Variants in RELN observed in about 807,000 individuals in gnomAD.
The protein encoded by RELN is reelin.
A neutral mutation model predicts 427.6 loss-of-function variants in RELN; 108 were observed. The observed-to-expected ratio is 0.25, with a 90% CI of 0.22 to 0.30. The LOEUF is 0.30. Among genes scored for constraint, RELN ranks in the 10% least tolerant of loss-of-function variants. RELN has a pLI of 1.00. For synonymous variants in RELN, 1,524 were observed against 1,513.4 expected, an observed-to-expected ratio of 1.01 and a Z score of -0.16; for missense variants, 3,715 against 4,302.8, an observed-to-expected ratio of 0.86 and a Z score of 3.82.
At chr7:103,507,643 A>G (rs1317997670) in intron 51 of RELN, among the ~76,000 whole-genome samples, 1 of 152,214 alleles carries the variant, frequency 6.6e-6, no homozygotes, top group Non-Finnish European at 1.5e-5. Context: ...AGGAGCAAAC[A>G]CATTCAAAAG....
intron 2 of RELN, among the ~76,000 whole-genome samples, chr7:103,855,942 G>A (rs1192982806): frequency 6.6e-6 from 1 of 152,050 alleles, no homozygotes; most frequent in African/African-American, 2.4e-5. Context: ...GAAGTACTAG[G>A]GGTCAGGACT....
intron 3 of RELN, among the ~76,000 whole-genome samples, chr7:103,779,951 C>A (rs1018417502): frequency 2.0e-5 from 3 of 152,192 alleles, no homozygotes. Flanking sequence ...TGGTCTTGAT[C>A]TCTTGACCTC....
At chr7:103,835,704 C>T (rs1419384810) in intron 2 of RELN, among the ~76,000 whole-genome samples, 1 of 152,108 alleles carries the variant, frequency 6.6e-6, no homozygotes, top group Admixed American at 6.5e-5. Context: ...GCTTTGTGAC[C>T]TTGGACAAAT....
At chr7:103,755,815 G>GGAAAA (rs532931399) in intron 4 of RELN, among the ~76,000 whole-genome samples, 136 of 103,628 alleles carry the variant, frequency 1.3e-3, no homozygotes, top group Non-Finnish European at 2.0e-3. Flanking sequence ...TCCACCTCAA[G>GGAAAA]AAAAAAAAAA....
chr7:103,749,382 G>C lies in RELN; in HGVS notation c.656+44C>G, dbSNP rs556675755. The C allele has an allele frequency of 2.8e-5, 40 of 1,440,890 alleles. No homozygotes were observed. In the South Asian group the frequency reaches 4.2e-4, roughly 15 times the overall value. The allele number at this position is 1,440,890 out of a possible 1,614,324, so 89.3% of individuals were successfully genotyped here. On this transcript the variant is annotated intron_variant, in intron 6 of 64. Coordinates refer to ENST00000428762, the MANE Select transcript of RELN (RefSeq NM_005045.4). ...CTTAAAGGAGCAGTCAGCATCATTT[G>C]TTACATTAAGCAAACCAAAGTGAGG... is the stretch of plus-strand genomic sequence containing the variant.
intron 1 of RELN, among the ~76,000 whole-genome samples, chr7:103,951,978 G>T (rs891311084): frequency 6.6e-6 from 1 of 152,136 alleles, no homozygotes; most frequent in African/African-American, 2.4e-5. Context: ...CGGCCCTCTG[G>T]GCCATCTTTG....
chr7:103,881,523 CCTA>C (rs1480505158), intron 2 of RELN, among the ~76,000 whole-genome samples: 1 of 152,074 alleles, frequency 6.6e-6, no homozygotes, highest in Non-Finnish European at 1.5e-5. Flanking sequence ...ATGTCATTGA[CCTA>C]CTTCCAGTTC....
intron 56 of RELN, 40 bp from the exon 57 acceptor site, chr7:103,495,938 CTT>C: frequency 6.2e-7 from 1 of 1,605,580 alleles, no homozygotes; most frequent in Non-Finnish European, 8.5e-7. Flanking sequence ...ATATTATTCT[CTT>C]GAGGAAAATT....
At chr7:103,867,579 C>T (rs1794229947) in intron 2 of RELN, among the ~76,000 whole-genome samples, 1 of 151,896 alleles carries the variant, frequency 6.6e-6, no homozygotes, top group Non-Finnish European at 1.5e-5. Flanking sequence ...AAAGTATTTC[C>T]TAGAAGAAAA....
intron 46 of RELN, among the ~76,000 whole-genome samples, chr7:103,526,561 A>G (rs1829826427): frequency 6.6e-6 from 1 of 152,224 alleles, no homozygotes; most frequent in African/African-American, 2.4e-5. Context: ...AAGGATACAC[A>G]TACTATCCAA....
chr7:103,835,467 T>C (rs1320250186), intron 2 of RELN, among the ~76,000 whole-genome samples: 1 of 152,190 alleles, frequency 6.6e-6, no homozygotes, highest in Non-Finnish European at 1.5e-5. Context: ...GATGTGTCGA[T>C]GTAGGTTCAT....
In RELN at chr7:103,487,301, T is replaced by C. The variant is rs1586474309; in HGVS notation, c.9764-885A>G. 2.0e-5 allele frequency among the ~76,000 whole-genome samples: 3 copies of C among 151,876 alleles called. No homozygotes were observed. In the East Asian group the frequency reaches 5.8e-4, roughly 29 times the overall value. ...GAATAGCATTAGGAGAAATACCTAA[T>C]GTAGATGATGGATTGATGGGTGCAG... On this transcript the variant is annotated intron_variant, in intron 60 of 64. Transcript: ENST00000428762.
intron 8 of RELN, among the ~76,000 whole-genome samples, chr7:103,714,621 C>T (rs929223485): frequency 1.3e-4 from 20 of 152,150 alleles, no homozygotes; most frequent in African/African-American, 4.6e-4. Context: ...CTCGCCTATG[C>T]CTGCACATAG....
At chr7:103,858,584 C>T (rs1043644183) in intron 2 of RELN, among the ~76,000 whole-genome samples, 2 of 152,052 alleles carry the variant, frequency 1.3e-5, no homozygotes, top group Admixed American at 1.3e-4. Context: ...TATTATGAAT[C>T]CTAAACATCA....
intron 6 of RELN, among the ~76,000 whole-genome samples, chr7:103,747,052 T>C (rs182975289): frequency 6.6e-6 from 1 of 152,076 alleles, no homozygotes; most frequent in Non-Finnish European, 1.5e-5. Context: ...AGAAAATGTG[T>C]CACATATACA....
chr7:103,954,381 G>T (rs1410026929), intron 1 of RELN, among the ~76,000 whole-genome samples: 1 of 152,174 alleles, frequency 6.6e-6, no homozygotes, highest in Non-Finnish European at 1.5e-5. Flanking sequence ...CAAACACTTA[G>T]GAAGAGAATG....
intron 1 of RELN, among the ~76,000 whole-genome samples, chr7:103,940,418 A>T (rs370891822): frequency 5.3e-5 from 8 of 152,184 alleles, no homozygotes; most frequent in East Asian, 3.8e-4. Context: ...TGTTATTACA[A>T]CCTTAAAACT....
At chr7:103,644,246 T>C (rs1346939495) in intron 16 of RELN, among the ~76,000 whole-genome samples, 2 of 151,682 alleles carry the variant, frequency 1.3e-5, no homozygotes, top group Non-Finnish European at 2.9e-5. Context: ...GTAAAATGGA[T>C]CCTAACCAAA....
chr7:103,872,590 G>T (rs1465583716), intron 2 of RELN, among the ~76,000 whole-genome samples: 1 of 136,292 alleles, frequency 7.3e-6, no homozygotes, highest in African/African-American at 2.6e-5. Flanking sequence ...GTAATGGGAT[G>T]GCTGGGTCAA....
Sources: allele counts gnomAD v4.1 joint callset (sites outside exome capture counted in the v4.1 genomes callset), GRCh38; gene constraint gnomAD v4.1.1; transcripts MANE v1.5; gene names NCBI Gene and HGNC (gene_info 2026-07-23, HGNC 2026-07-21).